RBFOX1: variants seen among roughly 807,000 people sequenced by gnomAD.
The protein encoded by RBFOX1 is RNA binding protein fox-1 homolog 1.
Under a neutral mutation model 57.7 loss-of-function variants are expected in RBFOX1, and 8 were observed. The observed-to-expected ratio is 0.14, with a 90% CI of 0.08 to 0.25. The LOEUF (loss-of-function observed/expected upper bound fraction) is 0.25. Ranked by LOEUF, RBFOX1 falls within the 10% of genes least tolerant of loss-of-function variation. RBFOX1 has a pLI of 1.00. For missense variants in RBFOX1, 611 were observed against 548.5 expected (o/e 1.11, Z -1.14); for synonymous variants, 326 against 222.4 (o/e 1.47, Z -4.15).
At chr16:7,323,421 C>G (rs1012140626) in intron 4 of RBFOX1, among the ~76,000 whole-genome samples, 1 of 152,104 alleles carries the variant, frequency 6.6e-6, no homozygotes, top group Non-Finnish European at 1.5e-5. Context: ...GAGACCCTGT[C>G]TCAATAAATA....
chr16:6,156,679 A>G (rs2096840749), intron 1 of RBFOX1, among the ~76,000 whole-genome samples: 1 of 152,158 alleles, frequency 6.6e-6, no homozygotes. Flanking sequence ...CCCAGTGGCC[A>G]ACTCTGCCAC....
intron 4 of RBFOX1, among the ~76,000 whole-genome samples, chr16:5,916,724 C>A (rs867210791): frequency 1.2e-4 from 18 of 152,228 alleles, no homozygotes; most frequent in African/African-American, 4.3e-4. Context: ...GTCAGCACCA[C>A]CCCCCACACT....
chr16:5,242,381 G>A (rs1474602183), intron 1 of RBFOX1, among the ~76,000 whole-genome samples: 4 of 152,250 alleles, frequency 2.6e-5, no homozygotes, highest in South Asian at 2.1e-4. Flanking sequence ...TGCTCAGTCC[G>A]GCGGCCCCTC....
intron 4 of RBFOX1, among the ~76,000 whole-genome samples, chr16:7,466,703 C>T (rs1439702975): frequency 6.6e-6 from 1 of 152,208 alleles, no homozygotes; most frequent in Non-Finnish European, 1.5e-5. Context: ...TGACGCTTAC[C>T]TGCATGAATT....
At chr16:5,898,955 T>C (rs1024003761) in intron 4 of RBFOX1, among the ~76,000 whole-genome samples, 1 of 150,288 alleles carries the variant, frequency 6.7e-6, no homozygotes, top group Non-Finnish European at 1.5e-5. Flanking sequence ...CCCAGCTACG[T>C]GGGAGGTTGA....
At chr16:5,969,235 T>G (rs1321388343) in intron 4 of RBFOX1, among the ~76,000 whole-genome samples, 1 of 151,892 alleles carries the variant, frequency 6.6e-6, no homozygotes, top group Non-Finnish European at 1.5e-5. Flanking sequence ...GATTTTAGTC[T>G]GCTCCTTTTT....
At chr16:6,709,284 A>G (rs1367446481) in intron 3 of RBFOX1, among the ~76,000 whole-genome samples, 1 of 152,180 alleles carries the variant, frequency 6.6e-6, no homozygotes, top group Non-Finnish European at 1.5e-5. Context: ...CTAACTGTGC[A>G]GAAGACAGAT....
Position 6,034,353 on chromosome 16 carries a change from AAAAAG to A in RBFOX1, c.-127+14380_-127+14384del, listed in dbSNP as rs1290977613. Among the ~76,000 whole-genome samples, 1,187 of 145,666 alleles carry A rather than the reference AAAAAG, an allele frequency of 8.1e-3. 19 individuals are homozygous for A. The highest frequency in any genetic ancestry group is 0.044 in the East Asian group (191 of 4,342). On this transcript the variant is annotated intron_variant, in intron 1 of 15. Coordinates refer to ENST00000550418, the MANE Select transcript of RBFOX1 (RefSeq NM_018723.4). The stretch of plus-strand genomic sequence containing the variant: ...GCGCAAAAAAAAAAAAAAAAAAAAA[AAAAAG>A]AAAAGAAAAGAAAAGAAAGGAATAG...
chr16:6,064,938 G>C (rs1253062762), intron 1 of RBFOX1, among the ~76,000 whole-genome samples: 1 of 151,782 alleles, frequency 6.6e-6, no homozygotes, highest in Non-Finnish European at 1.5e-5. Context: ...AACAGGTCTT[G>C]AGTAAGACCC....
chr16:7,641,223 G>C (rs994749743), intron 11 of RBFOX1, among the ~76,000 whole-genome samples: 3 of 152,184 alleles, frequency 2.0e-5, no homozygotes, highest in Non-Finnish European at 4.4e-5. Flanking sequence ...GGTGGCTGCT[G>C]CTTCTTCCCT....
intron 3 of RBFOX1, among the ~76,000 whole-genome samples, chr16:6,797,087 C>G (rs779737589): frequency 1.3e-5 from 2 of 152,110 alleles, no homozygotes; most frequent in Non-Finnish European, 2.9e-5. Flanking sequence ...AATAGAGTAA[C>G]ACATCGATCC....
chr16:7,348,379 T>G (rs2097059217), intron 4 of RBFOX1, among the ~76,000 whole-genome samples: 1 of 151,886 alleles, frequency 6.6e-6, no homozygotes, highest in Non-Finnish European at 1.5e-5. Flanking sequence ...GGAACACCTT[T>G]TGAAATAAAA....
At position 5,947,031 on chromosome 16, in the gene RBFOX1, G is replaced by C. The variant is rs534173147; in HGVS notation, c.351+79696G>C. 6.6e-6 allele frequency among the ~76,000 whole-genome samples: 1 copy of C among 152,150 alleles called. No individual in the cohort carries two copies. The highest frequency in any genetic ancestry group is 1.5e-5 in the Non-Finnish European group (1 of 68,030). On this transcript the variant is annotated intron_variant, in intron 4 of 19. Transcript: ENST00000641259. The surrounding 1 kb of genome is among the most constrained non-coding windows in gnomAD (Gnocchi z 7.2). Reference sequence around the variant, plus strand: ...GTTTGAGACCAGCTCTAGCAATATAGTGACACCCCATCTGTACAAAATAAA... The same window carrying C: ...GTTTGAGACCAGCTCTAGCAATATACTGACACCCCATCTGTACAAAATAAA...
At chr16:5,289,867 T>C (rs1287728772) in intron 1 of RBFOX1, among the ~76,000 whole-genome samples, 1 of 152,246 alleles carries the variant, frequency 6.6e-6, no homozygotes, top group African/African-American at 2.4e-5. Flanking sequence ...CCAGCACTTC[T>C]ACTCCAGTTT....
chr16:7,002,558 A>G (rs1392595507), intron 3 of RBFOX1, among the ~76,000 whole-genome samples: 1 of 152,110 alleles, frequency 6.6e-6, no homozygotes, highest in Non-Finnish European at 1.5e-5. Context: ...CTAAAAATAC[A>G]AAAATTTGCT....
At chr16:6,710,014 G>T (rs1296062914) in intron 3 of RBFOX1, among the ~76,000 whole-genome samples, 1 of 152,164 alleles carries the variant, frequency 6.6e-6, no homozygotes, top group African/African-American at 2.4e-5. Context: ...GTAACCTACT[G>T]ATCTGAAATA....
At chr16:5,433,748 G>A (rs1229744764) in intron 1 of RBFOX1, among the ~76,000 whole-genome samples, 1 of 152,098 alleles carries the variant, frequency 6.6e-6, no homozygotes, top group Non-Finnish European at 1.5e-5. Flanking sequence ...CTGCTCCATG[G>A]GAGATTCCGT....
At chr16:7,304,368 C>T (rs909086571) in intron 4 of RBFOX1, 3 of 985,216 alleles carry the variant, frequency 3.0e-6, no homozygotes, top group African/African-American at 1.7e-5. Context: ...TCGGGCTCGG[C>T]GGGCGCCAGA....
intron 4 of RBFOX1, among the ~76,000 whole-genome samples, chr16:7,114,914 G>A (rs957440402): frequency 6.6e-6 from 1 of 152,148 alleles, no homozygotes; most frequent in East Asian, 1.9e-4. Flanking sequence ...TTGGAAAATT[G>A]TCTGGGAAGG....
Sources: allele counts gnomAD v4.1 joint callset (sites outside exome capture counted in the v4.1 genomes callset), GRCh38; gene constraint gnomAD v4.1.1; non-coding constraint Gnocchi (gnomAD v3.1); transcripts MANE v1.5; gene names NCBI Gene and HGNC (gene_info 2026-07-23, HGNC 2026-07-21).